The following ACOXL variants were observed in gnomAD, a reference collection of about 807,000 sequenced individuals.
ACOXL encodes acyl-CoA oxidase like.
In ACOXL, 70 loss-of-function variants were observed where a neutral mutation model predicts 71.9. The ratio of observed to expected loss-of-function variants is 0.97; its 90% CI spans 0.80 to 1.19. The LOEUF (loss-of-function observed/expected upper bound fraction) is 1.19. Ranked by LOEUF, ACOXL falls within the 50% of genes most tolerant of loss-of-function variation. The pLI is 0.00. For synonymous variants in ACOXL, 253 were observed against 281.6 expected, an observed-to-expected ratio of 0.90 and a Z score of 1.02; for missense variants, 703 against 736.3, an observed-to-expected ratio of 0.95 and a Z score of 0.52.
intron 3 of ACOXL, among the ~76,000 whole-genome samples, chr2:110,789,468 G>A (rs537073926): frequency 1.3e-5 from 2 of 152,162 alleles, no homozygotes; most frequent in Non-Finnish European, 2.9e-5. Context: ...CTTTCTGGAG[G>A]CTGTAAAGTC....
At chr2:110,893,833 G>T (rs947453705) in intron 10 of ACOXL, among the ~76,000 whole-genome samples, 23 of 151,948 alleles carry the variant, frequency 1.5e-4, no homozygotes, top group African/African-American at 4.4e-4. Context: ...GTCTGTAATT[G>T]TGCACACATT....
rs774118851 is a variant in ACOXL, at chr2:111,031,617, G to A, written c.1282-10G>A. ...CCTCAATGGTGATTTTTCTTCTGTC[G>A]ATTGGACAGGTAAAGACCAAGAAGG... On this transcript the variant is annotated splice_polypyrimidine_tract_variant and intron_variant, in intron 14 of 17. Coordinates refer to ENST00000439055, the MANE Select transcript of ACOXL (RefSeq NM_001142807.4). 21 of 1,613,336 alleles carry A rather than the reference G, an allele frequency of 1.3e-5. No individual in the cohort carries two copies. Among genetic ancestry groups the A allele is most frequent in the South Asian group, 6.6e-5 (6 of 91,066 alleles).
intron 14 of ACOXL, among the ~76,000 whole-genome samples, chr2:111,018,696 T>C (rs1032072636): frequency 2.2e-5 from 3 of 134,424 alleles, no homozygotes; most frequent in African/African-American, 9.4e-5. Context: ...GCTTGGGTGG[T>C]AGCAGAGAGG....
At chr2:110,927,860 G>T (rs1337340340) in intron 11 of ACOXL, among the ~76,000 whole-genome samples, 1 of 152,144 alleles carries the variant, frequency 6.6e-6, no homozygotes, top group Admixed American at 6.5e-5. Context: ...TCTTTGAAAC[G>T]TACATTTCTG....
intron 11 of ACOXL, among the ~76,000 whole-genome samples, chr2:110,921,360 C>T (rs1049393796): frequency 1.4e-5 from 2 of 145,380 alleles, no homozygotes; most frequent in South Asian, 4.3e-4. Context: ...CTCTTGCTCT[C>T]TCTCTCTCTC....
chr2:110,863,601 C>G (rs889191914), intron 10 of ACOXL, among the ~76,000 whole-genome samples: 1 of 152,130 alleles, frequency 6.6e-6, no homozygotes, highest in African/African-American at 2.4e-5. Context: ...GCACCCCCCC[C>G]AACTGGTTGG....
chr2:110,866,126 C>T (rs1018482484), intron 10 of ACOXL, among the ~76,000 whole-genome samples: 5 of 152,138 alleles, frequency 3.3e-5, no homozygotes, highest in Admixed American at 6.5e-5. Context: ...AGGCCTGTGG[C>T]GTGCCGTGTG....
At chr2:110,889,147 C>G (rs901494588) in intron 10 of ACOXL, among the ~76,000 whole-genome samples, 41 of 152,176 alleles carry the variant, frequency 2.7e-4, no homozygotes, top group Non-Finnish European at 2.9e-5. Flanking sequence ...CTATTTTGCA[C>G]TCAACTGTAT....
chr2:110,924,538 A>C (rs928606564), intron 11 of ACOXL, among the ~76,000 whole-genome samples: 1 of 152,214 alleles, frequency 6.6e-6, no homozygotes, highest in Non-Finnish European at 1.5e-5. Flanking sequence ...AGTAGATTCT[A>C]TCTCAAGAAA....
chr2:110,741,967 C>T (rs911688283), intron 1 of ACOXL, among the ~76,000 whole-genome samples: 1 of 152,172 alleles, frequency 6.6e-6, no homozygotes, highest in Non-Finnish European at 1.5e-5. Context: ...GTCTCACAAA[C>T]CTGCAAGGGA....
chr2:110,960,406 C>T (rs2061657679), intron 12 of ACOXL, among the ~76,000 whole-genome samples: 2 of 152,224 alleles, frequency 1.3e-5, no homozygotes, highest in Admixed American at 6.5e-5. Flanking sequence ...TCTGTAAAGA[C>T]GTGTGAAGGT....
chr2:111,030,175 T>A (rs2065200141), intron 14 of ACOXL, among the ~76,000 whole-genome samples: 1 of 152,164 alleles, frequency 6.6e-6, no homozygotes, highest in Non-Finnish European at 1.5e-5. Context: ...TAAACCATAT[T>A]AACTGGGATT....
chr2:110,751,007 T>C (rs1678867658), intron 1 of ACOXL, among the ~76,000 whole-genome samples: 1 of 151,754 alleles, frequency 6.6e-6, no homozygotes, highest in Non-Finnish European at 1.5e-5. Context: ...ATTTAAAAAT[T>C]TAGACATGCG....
chr2:110,773,870 A>C (rs1335938806), intron 2 of ACOXL, among the ~76,000 whole-genome samples: 1 of 152,218 alleles, frequency 6.6e-6, no homozygotes, highest in African/African-American at 2.4e-5. Flanking sequence ...GTCTGTTTAC[A>C]GAAGTCCCTC....
In ACOXL at chr2:110,951,127, G is replaced by A. The variant is rs542417079; in HGVS notation, c.1059+17485G>A. The stretch of plus-strand genomic sequence containing the variant: ...ACTTCTGGTTAGGGAATGGGGTCAC[G>A]TGTTATGAACGTGCCAGCGGACGTC... On this transcript the variant is annotated intron_variant, in intron 12 of 17. Coordinates refer to ENST00000439055, the MANE Select transcript of ACOXL (RefSeq NM_001142807.4). 5.3e-5 allele frequency among the ~76,000 whole-genome samples: 8 copies of A among 152,290 alleles called. No individual in the cohort carries two copies. The South Asian group carries it at 6.2e-4, about 12-fold the overall frequency.
intron 5 of ACOXL, among the ~76,000 whole-genome samples, chr2:110,798,179 A>AC (rs1403693861): frequency 6.6e-6 from 1 of 150,914 alleles, no homozygotes; most frequent in African/African-American, 2.4e-5. Context: ...TGACCTTCCC[A>AC]TTGTCTTCTC....
intron 17 of ACOXL, chr2:111,115,626 A>G (rs985921203): frequency 6.6e-6 from 1 of 152,232 alleles, no homozygotes; most frequent in Non-Finnish European, 1.5e-5. Flanking sequence ...GAGTCAAACA[A>G]TAACTAACAG....
At chr2:111,041,307 C>T (rs2065770064) in intron 15 of ACOXL, among the ~76,000 whole-genome samples, 2 of 152,258 alleles carry the variant, frequency 1.3e-5, no homozygotes, top group African/African-American at 4.8e-5. Flanking sequence ...AAAACAGGAT[C>T]AATGCCACGC....
intron 10 of ACOXL, among the ~76,000 whole-genome samples, chr2:110,876,278 A>G (rs1247492605): frequency 6.6e-6 from 1 of 152,198 alleles, no homozygotes; most frequent in Admixed American, 6.5e-5. Flanking sequence ...ACCCACACCC[A>G]GAGAGAGGCA....
Sources: allele counts gnomAD v4.1 joint callset (sites outside exome capture counted in the v4.1 genomes callset), GRCh38; gene constraint gnomAD v4.1.1; transcripts MANE v1.5; gene names NCBI Gene and HGNC (gene_info 2026-07-23, HGNC 2026-07-21).